Variants in SPECC1 observed in about 807,000 individuals in gnomAD.
SPECC1 encodes the protein cytospin-B.
In SPECC1, 62 loss-of-function variants were observed where a neutral mutation model predicts 104.1. That is an observed-to-expected ratio of 0.60 (90% CI 0.49 to 0.74). The LOEUF (loss-of-function observed/expected upper bound fraction) is 0.74. SPECC1 is among the 30% of genes least tolerant of loss of function. SPECC1 has a pLI of 0.00. For synonymous variants in SPECC1, 513 were observed against 501.6 expected (o/e 1.02, Z -0.30); for missense variants, 1,306 against 1,310.5 (o/e 1.00, Z 0.05).
Position 20,205,616 on chromosome 17 carries a change from C to T in SPECC1, c.1567C>T (p.Leu523=). 1 of 1,614,134 alleles carries T rather than the reference C, an allele frequency of 6.2e-7. No homozygotes were observed. Among genetic ancestry groups the T allele is most frequent in the Non-Finnish European group, 8.5e-7 (1 of 1,180,010 alleles). ...KEENEKLNEF[L]ELERHNNNMM... is the part of the protein sequence containing the mutation. ...AGAAAATGAAAAACTGAATGAGTTT[C>T]TAGAACTGGAACGGCATAATAATAA... is the stretch of plus-strand genomic sequence containing the variant. The change falls in exon 4 of 15, where the codon CTA becomes TTA. Residue 523 remains leucine (L), a synonymous_variant. Transcript: ENST00000395527.
chr17:20,082,601 A>T (rs78408002), intron 1 of SPECC1, among the ~76,000 whole-genome samples: 10 of 151,658 alleles, frequency 6.6e-5, no homozygotes, highest in Non-Finnish European at 1.3e-4. Flanking sequence ...GTCTCAAACT[A>T]TATGTGTGTA....
chr17:20,031,278 G>C (rs1597588396), intron 1 of SPECC1, among the ~76,000 whole-genome samples: 1 of 152,144 alleles, frequency 6.6e-6, no homozygotes, highest in Admixed American at 6.5e-5. Context: ...ATAGGTGTGA[G>C]CCACCGTGCC....
At chr17:20,253,462 ATGT>A (rs2039706843) in intron 9 of SPECC1, 40 bp from the exon 10 acceptor site, 1 of 1,594,030 alleles carries the variant, frequency 6.3e-7, no homozygotes, top group African/African-American at 1.3e-5. Flanking sequence ...GCTATTCTTG[ATGT>A]TATGAGCTCA....
intron 1 of SPECC1, among the ~76,000 whole-genome samples, chr17:20,095,295 CAT>C (rs1463817200): frequency 1.7e-4 from 26 of 152,234 alleles, no homozygotes; most frequent in African/African-American, 6.3e-4. Context: ...AGCTGAGACT[CAT>C]AAGGTTCTGA....
chr17:20,039,450 C>T (rs2045232360), intron 1 of SPECC1, among the ~76,000 whole-genome samples: 1 of 150,698 alleles, frequency 6.6e-6, no homozygotes, highest in Non-Finnish European at 1.5e-5. Flanking sequence ...TCTCTGAAGT[C>T]TATTTTATGT....
intron 12 of SPECC1, among the ~76,000 whole-genome samples, chr17:20,273,466 A>C (rs1283593175): frequency 1.9e-4 from 4 of 21,006 alleles, no homozygotes; most frequent in South Asian, 5.6e-3. Flanking sequence ...GACTCTGTCA[A>C]AAAAAAAAAA....
intron 1 of SPECC1, among the ~76,000 whole-genome samples, chr17:20,076,422 A>C (rs989633291): frequency 2.0e-5 from 3 of 151,346 alleles, no homozygotes; most frequent in African/African-American, 4.9e-5. Flanking sequence ...CTGGTCTTGA[A>C]CTCCTGAGCT....
rs1423229889 is a variant in SPECC1 at position 20,232,341 on chromosome 17, T to C, written c.2287T>C (p.Leu763=). The C allele has an allele frequency of 1.2e-6, 2 of 1,613,924 alleles. No homozygotes were observed. The highest frequency in any genetic ancestry group is 1.7e-6 in the Non-Finnish European group (2 of 1,179,974). Residue 763 remains leucine, a synonymous_variant, in exon 7 of 15, where the codon TTG becomes CTG. Transcript: ENST00000395527. ...LLEEEEKNAR[L]QKELGDVQGH... ...GGAGGAGGAGGAGAAGAATGCCCGGTTGCAGAAGGAGCTGGGGGATGTGCA... is the reference window on the plus strand; with the variant it reads ...GGAGGAGGAGGAGAAGAATGCCCGGCTGCAGAAGGAGCTGGGGGATGTGCA...
At chr17:20,243,565 C>G (rs1411111316) in intron 7 of SPECC1, among the ~76,000 whole-genome samples, 1 of 152,286 alleles carries the variant, frequency 6.6e-6, no homozygotes, top group East Asian at 1.9e-4. Flanking sequence ...CACAGAGAGA[C>G]ACACAGACAC....
intron 3 of SPECC1, 89 bp from the exon 4 acceptor site, chr17:20,204,242 TCC>T: frequency 7.0e-7 from 1 of 1,434,822 alleles, no homozygotes; most frequent in South Asian, 1.4e-5. Context: ...ACAGCCACTG[TCC>T]ACTGTGCCAT....
At chr17:20,125,372 G>A (rs1282197047) in intron 3 of SPECC1, among the ~76,000 whole-genome samples, 1 of 152,148 alleles carries the variant, frequency 6.6e-6, no homozygotes, top group African/African-American at 2.4e-5. Context: ...GGAACTGTCT[G>A]TATTTTCATT....
intron 1 of SPECC1, among the ~76,000 whole-genome samples, chr17:20,083,701 A>G (rs2047068594): frequency 6.6e-6 from 1 of 152,236 alleles, no homozygotes; most frequent in Non-Finnish European, 1.5e-5. Flanking sequence ...TGCCATGAAC[A>G]TTAGTGTTAC....
intron 13 of SPECC1, among the ~76,000 whole-genome samples, chr17:20,301,446 G>T (rs1450742928): frequency 6.6e-6 from 1 of 151,436 alleles, no homozygotes; most frequent in Admixed American, 6.6e-5. Context: ...ACATCAGAAA[G>T]GGCACCAAGA....
chr17:20,083,052 C>G (rs560791450), intron 1 of SPECC1, among the ~76,000 whole-genome samples: 1 of 124,324 alleles, frequency 8.0e-6, no homozygotes, highest in African/African-American at 2.8e-5. Context: ...GTCCAGACTC[C>G]TGGACTGTAT....
chr17:20,295,336 C>CA (rs1482336082), intron 12 of SPECC1, among the ~76,000 whole-genome samples: 1 of 152,050 alleles, frequency 6.6e-6, no homozygotes, highest in Non-Finnish European at 1.5e-5. Context: ...CATGTCCCTA[C>CA]AAAGGACATG....
intron 1 of SPECC1, among the ~76,000 whole-genome samples, chr17:20,068,533 T>C (rs2046438554): frequency 6.6e-6 from 1 of 152,230 alleles, no homozygotes; most frequent in East Asian, 1.9e-4. Context: ...TAATGGTAAC[T>C]GGGTGTAACT....
rs922209995 is a variant in SPECC1, at chr17:20,237,254, G to A, written c.2351+4849G>A. The A allele has an allele frequency of 5.9e-6, 7 of 1,187,420 alleles. No individual in the cohort carries two copies. The African/African-American group carries it at 9.4e-5, about 16-fold the overall frequency. 73.6% of individuals were successfully genotyped at this position (1,187,420 alleles called of 1,614,324 possible). On this transcript the variant is annotated intron_variant, in intron 7 of 14. Coordinates refer to ENST00000395527, the MANE Select transcript of SPECC1 (RefSeq NM_001243439.2). ...CAGTGGCAGAGCAGATGCAGAGCTG[G>A]GTACAGCGCAGGCCCGAGTTCTTTT...
At position 20,253,593 on chromosome 17, in the gene SPECC1, T is replaced by G. The variant is rs758421784; in HGVS notation, c.2680+7T>G. 7 of 1,613,624 alleles carry G rather than the reference T, an allele frequency of 4.3e-6. No individual in the cohort carries two copies. The South Asian group carries it at 6.6e-5, about 15-fold the overall frequency. On this transcript the variant is annotated splice_region_variant and intron_variant, in intron 10 of 14. Transcript: ENST00000395527. ...CCTGACCTTCCCCTCTCAGGTAAAT[T>G]ATGTCAACATAAAGAACTTTTGACT...
intron 4 of SPECC1, among the ~76,000 whole-genome samples, chr17:20,224,550 C>T (rs2038093910): frequency 1.3e-5 from 2 of 152,232 alleles, no homozygotes; most frequent in East Asian, 3.9e-4. Flanking sequence ...GAGCTGGTAT[C>T]CAAGTTGGAA....
Sources: allele counts gnomAD v4.1 joint callset (sites outside exome capture counted in the v4.1 genomes callset), GRCh38; gene constraint gnomAD v4.1.1; transcripts MANE v1.5; gene names NCBI Gene and HGNC (gene_info 2026-07-23, HGNC 2026-07-21).